The following MGA variants were observed in gnomAD, a reference collection of about 807,000 sequenced individuals.
MGA encodes MAX dimerization protein MGA, also known as MAX gene-associated protein.
A neutral mutation model predicts 261.1 loss-of-function variants in MGA; 40 were observed. The ratio of observed to expected loss-of-function variants is 0.15; its 90% CI spans 0.12 to 0.20. MGA has a LOEUF of 0.20. Ranked by LOEUF, MGA falls within the 10% of genes least tolerant of loss-of-function variation. The probability of loss-of-function intolerance (pLI) is 1.00; values close to 1 mark genes in which losing one functional copy is unlikely to be tolerated. For synonymous variants in MGA, 1,302 were observed against 1,290.6 expected (o/e 1.01, Z -0.19); for missense variants, 3,397 against 3,630.5 (o/e 0.94, Z 1.65).
intron 1 of MGA, among the ~76,000 whole-genome samples, chr15:41,642,563 A>C (rs941084351): frequency 6.6e-6 from 1 of 152,106 alleles, no homozygotes; most frequent in African/African-American, 2.4e-5. Flanking sequence ...AGCTCACTGC[A>C]ACCTCCGCCT....
At chr15:41,712,658 C>T (rs2060447186) in intron 8 of MGA, among the ~76,000 whole-genome samples, 1 of 151,784 alleles carries the variant, frequency 6.6e-6, no homozygotes, top group Non-Finnish European at 1.5e-5. Flanking sequence ...ATGTATTGTC[C>T]TATTCTTTTT....
intron 1 of MGA, among the ~76,000 whole-genome samples, chr15:41,644,371 G>A (rs75447818): frequency 8.5e-5 from 9 of 105,974 alleles, no homozygotes; most frequent in Admixed American, 2.0e-4. Context: ...AAAAAAAAAA[G>A]AAGGCCGGGT....
At chr15:41,733,007 G>A (rs911454980) in intron 11 of MGA, among the ~76,000 whole-genome samples, 1 of 152,142 alleles carries the variant, frequency 6.6e-6, no homozygotes, top group African/African-American at 2.4e-5. Flanking sequence ...CACCCAGGCT[G>A]GAGTGCAGTG....
chr15:41,762,466 T>TTTTG, intron 22 of MGA, 104 bp downstream of exon 22: 1 of 414,604 alleles, frequency 2.4e-6, no homozygotes, highest in South Asian at 4.5e-5. Flanking sequence ...GTGTGGTTTT[T>TTTTG]TTTTTTTTTT....
At position 41,707,713 on chromosome 15, in the gene MGA, C is replaced by G; in HGVS notation, c.2189-15C>G. ...TGATTAATCTATGGAAATATGATTTCCTTTTTTCTTTTAGTGGGCTTAAAA... is the reference window on the plus strand; with the variant it reads ...TGATTAATCTATGGAAATATGATTTGCTTTTTTCTTTTAGTGGGCTTAAAA... On this transcript the variant is annotated splice_polypyrimidine_tract_variant and intron_variant, in intron 5 of 23. Transcript: ENST00000219905. 1 of 1,589,740 alleles carries G rather than the reference C, an allele frequency of 6.3e-7. No homozygotes were observed. Among genetic ancestry groups the G allele is most frequent in the Non-Finnish European group, 8.5e-7 (1 of 1,169,592 alleles).
In MGA at chr15:41,764,736, G is replaced by A. The variant is rs550414342; in HGVS notation, c.7745-150G>A. On this transcript the variant is annotated intron_variant, in intron 22 of 23. Coordinates refer to ENST00000219905, the MANE Select transcript of MGA (RefSeq NM_001164273.2). ...TTTTTCTTGTAGAGATGGAGATGGG[G>A]TCTCACCATGTTTCCCAGGCTGGTC... The A allele has an allele frequency of 1.5e-5, 11 of 725,562 alleles. No homozygotes were observed. In the East Asian group the frequency reaches 2.5e-4, roughly 17 times the overall value. The allele number at this position is 725,562 out of a possible 1,614,324, so 44.9% of individuals were successfully genotyped here.
chr15:41,652,355 CCT>C (rs1368023754), intron 1 of MGA, among the ~76,000 whole-genome samples: 1 of 142,132 alleles, frequency 7.0e-6, no homozygotes, highest in Non-Finnish European at 1.5e-5. Flanking sequence ...TCTCCTCTTC[CCT>C]CTCCCTTCTC....
At chr15:41,686,588 C>G (rs1054177290) in intron 2 of MGA, among the ~76,000 whole-genome samples, 2 of 151,948 alleles carry the variant, frequency 1.3e-5, no homozygotes, top group African/African-American at 4.8e-5. Context: ...GAAACTCATT[C>G]TGTATTTTTT....
At position 41,669,327 on chromosome 15, in the gene MGA, A is replaced by G. The variant is rs1305744135; in HGVS notation, c.433A>G (p.Ser145Gly). ...GTGGAATGGTCGTTGGTGGGAACCTAGTGGGAAGGCTGAACCTCATGTTTT... is the reference window on the plus strand; with the variant it reads ...GTGGAATGGTCGTTGGTGGGAACCTGGTGGGAAGGCTGAACCTCATGTTTT... The change falls in exon 2 of 24, where the codon AGT becomes GGT. Residue 145 changes from serine to glycine, a missense_variant. Coordinates refer to ENST00000219905, the MANE Select transcript of MGA (RefSeq NM_001164273.2). The G allele has an allele frequency of 6.2e-7, 1 of 1,614,018 alleles. No individual in the cohort carries two copies. The highest frequency in any genetic ancestry group is 2.2e-5 in the East Asian group (1 of 44,884).
chr15:41,764,831 AC>A, intron 22 of MGA, 54 bp from the exon 23 acceptor site: 8 of 1,571,766 alleles, frequency 5.1e-6, no homozygotes, highest in Non-Finnish European at 6.1e-6. Flanking sequence ...GGCATGAGCC[AC>A]CACACCCAGC....
chr15:41,712,806 G>A (rs1229440702), intron 8 of MGA, among the ~76,000 whole-genome samples: 1 of 152,202 alleles, frequency 6.6e-6, no homozygotes, highest in Non-Finnish European at 1.5e-5. Flanking sequence ...GACGGTATGT[G>A]TATGAATTAG....
chr15:41,755,201 G>A (rs1490556562), intron 18 of MGA, among the ~76,000 whole-genome samples: 2 of 152,116 alleles, frequency 1.3e-5, no homozygotes, highest in East Asian at 3.9e-4. Context: ...GAGTAGAGAA[G>A]GAAGATATTT....
At chr15:41,710,568 AGG>A in intron 7 of MGA, 121 bp from the exon 8 acceptor site, 1 of 991,006 alleles carries the variant, frequency 1.0e-6, no homozygotes, top group South Asian at 1.8e-5. Flanking sequence ...TGCCCAGCTA[AGG>A]GATAGTTTAG....
intron 2 of MGA, among the ~76,000 whole-genome samples, chr15:41,690,771 C>T (rs1029422905): frequency 1.3e-5 from 2 of 152,008 alleles, no homozygotes; most frequent in Non-Finnish European, 2.9e-5. Context: ...CCCAGCTACT[C>T]GAGAGGCTAA....
intron 7 of MGA, 101 bp from the exon 8 acceptor site, chr15:41,710,590 T>A: frequency 8.5e-7 from 1 of 1,171,738 alleles, no homozygotes; most frequent in Non-Finnish European, 1.2e-6. Flanking sequence ...GAAGATTCAC[T>A]ATCTTGTAGC....
chr15:41,720,187 G>A (rs754087513), intron 9 of MGA, among the ~76,000 whole-genome samples: 3 of 152,104 alleles, frequency 2.0e-5, no homozygotes, highest in African/African-American at 4.8e-5. Flanking sequence ...AAATTACCAC[G>A]TGATATGGGT....
At chr15:41,630,276 C>T (rs1182779912) in intron 1 of MGA, among the ~76,000 whole-genome samples, 1 of 152,086 alleles carries the variant, frequency 6.6e-6, no homozygotes, top group African/African-American at 2.4e-5. Context: ...CCAATTTCGA[C>T]GGATAAAATT....
rs149765693 is a variant in MGA, at chr15:41,710,514, G to T, written c.2426-177G>T. Among the ~76,000 whole-genome samples the T allele has an allele frequency of 4.3e-3, 652 of 152,190 alleles. 5 individuals carry two copies. Among genetic ancestry groups the T allele is most frequent in the African/African-American group, 0.015 (618 of 41,518 alleles). The stretch of plus-strand genomic sequence containing the variant: ...ACTCCTAGCCTGTAGCGATCGTTTT[G>T]CTTCTTCCTGTCAAAGTACTGGGAT... On this transcript the variant is annotated intron_variant, in intron 7 of 23. Coordinates refer to ENST00000219905, the MANE Select transcript of MGA (RefSeq NM_001164273.2).
chr15:41,678,495 G>C (rs2058499464), intron 2 of MGA, among the ~76,000 whole-genome samples: 1 of 151,670 alleles, frequency 6.6e-6, no homozygotes, highest in African/African-American at 2.4e-5. Context: ...GCCGGGTGCT[G>C]TGGCTCATGC....
Sources: gnomAD v4.1 joint callset for allele counts (sites outside exome capture counted in the v4.1 genomes callset) on GRCh38, gnomAD v4.1.1 for gene constraint, MANE v1.5 for transcripts, NCBI Gene and HGNC (gene_info 2026-07-23, HGNC 2026-07-21) for gene names.